TNKS: variants seen among roughly 807,000 people sequenced by gnomAD.
TNKS encodes the protein poly [ADP-ribose] polymerase tankyrase-1.
In TNKS, 72 loss-of-function variants were observed where a neutral mutation model predicts 135.8. That is an observed-to-expected ratio of 0.53 (90% CI 0.44 to 0.64). TNKS has a LOEUF of 0.64. Ranked by LOEUF, TNKS falls within the 30% of genes least tolerant of loss-of-function variation. The pLI, the probability that TNKS is intolerant of heterozygous loss-of-function variation, is 0.00. For missense variants in TNKS, 1,769 were observed against 1,674.0 expected (o/e 1.06, Z -0.99); for synonymous variants, 849 against 649.3 (o/e 1.31, Z -4.68).
chr8:9,683,162 A>G (rs1180715950), intron 5 of TNKS, among the ~76,000 whole-genome samples: 1 of 152,030 alleles, frequency 6.6e-6, no homozygotes, highest in Non-Finnish European at 1.5e-5. Flanking sequence ...TATTAAATGT[A>G]CCAGTTGCAG....
At chr8:9,604,787 T>G (rs1370333491) in intron 2 of TNKS, among the ~76,000 whole-genome samples, 1 of 151,538 alleles carries the variant, frequency 6.6e-6, no homozygotes, top group African/African-American at 2.4e-5. Flanking sequence ...TTATTTTTAT[T>G]TTTATTTTTT....
chr8:9,555,938 A>C lies in TNKS; in HGVS notation c.-2A>C. On this transcript the variant is annotated 5_prime_UTR_variant, in exon 1 of 27. Transcript: ENST00000310430. Reference sequence around the variant, plus strand: ...CAGTGACAGTGCTAGGGGAGTCCGAAGATGGCGGCGTCGCGTCGCTCTCAG... The same window carrying C: ...CAGTGACAGTGCTAGGGGAGTCCGACGATGGCGGCGTCGCGTCGCTCTCAG... 6.2e-7 allele frequency: 1 copy of C among 1,608,990 alleles called. No individual in the cohort carries two copies. Among genetic ancestry groups the C allele is most frequent in the Non-Finnish European group, 8.5e-7 (1 of 1,177,980 alleles).
chr8:9,760,077 G>GT (rs1262738267), intron 20 of TNKS, among the ~76,000 whole-genome samples: 1 of 151,916 alleles, frequency 6.6e-6, no homozygotes, highest in Non-Finnish European at 1.5e-5. Flanking sequence ...ACTGAAGTTA[G>GT]TTTAGAATAT....
At chr8:9,592,196 T>C (rs1375884123) in intron 2 of TNKS, among the ~76,000 whole-genome samples, 5 of 152,228 alleles carry the variant, frequency 3.3e-5, no homozygotes, top group East Asian at 1.9e-4. Flanking sequence ...TAATAGCTTG[T>C]TGCCTGAAAT....
In TNKS at chr8:9,561,467, A is replaced by C. The variant is rs181456172; in HGVS notation, c.673+4855A>C. 3.3e-4 allele frequency among the ~76,000 whole-genome samples: 50 copies of C among 152,352 alleles called. 1 individual carries two copies. The East Asian group carries it at 4.4e-3, about 14-fold the overall frequency. Reference sequence around the variant, plus strand: ...TTTAGAATTTCATATAAATGCAGTCATACAATATTTAGTCTTTCTGTAAGA... The same window carrying C: ...TTTAGAATTTCATATAAATGCAGTCCTACAATATTTAGTCTTTCTGTAAGA... On this transcript the variant is annotated intron_variant, in intron 1 of 26. Transcript: ENST00000310430.
intron 1 of TNKS, among the ~76,000 whole-genome samples, chr8:9,565,260 A>T (rs1197807574): frequency 6.6e-6 from 1 of 152,120 alleles, no homozygotes; most frequent in Non-Finnish European, 1.5e-5. Context: ...TCCCCATTCA[A>T]TTTAGACAAG....
chr8:9,696,184 G>T (rs879743679), intron 5 of TNKS, among the ~76,000 whole-genome samples: 6 of 152,120 alleles, frequency 3.9e-5, no homozygotes, highest in Non-Finnish European at 8.8e-5. Context: ...GAATGAGTTA[G>T]ACAATGTAGA....
intron 3 of TNKS, among the ~76,000 whole-genome samples, chr8:9,622,375 C>T (rs548216377): frequency 6.6e-6 from 1 of 152,218 alleles, no homozygotes; most frequent in East Asian, 1.9e-4. Flanking sequence ...TAGCTGACAC[C>T]GCCTGAATCC....
chr8:9,701,352 T>G (rs1048110470), intron 5 of TNKS, among the ~76,000 whole-genome samples: 2 of 152,236 alleles, frequency 1.3e-5, no homozygotes, highest in African/African-American at 2.4e-5. Context: ...AAGAAAGTTG[T>G]GTAAAAGATA....
chr8:9,701,167 G>C (rs1198523564), intron 5 of TNKS, among the ~76,000 whole-genome samples: 1 of 152,086 alleles, frequency 6.6e-6, no homozygotes, highest in Non-Finnish European at 1.5e-5. Flanking sequence ...TCGATCTCCT[G>C]ACTTCGTGAT....
intron 3 of TNKS, among the ~76,000 whole-genome samples, chr8:9,673,313 G>T (rs537460254): frequency 6.6e-6 from 1 of 151,896 alleles, no homozygotes; most frequent in African/African-American, 2.4e-5. Flanking sequence ...TGAGGTTTTT[G>T]TGTTGACATT....
chr8:9,674,208 T>C (rs992275134), intron 3 of TNKS, among the ~76,000 whole-genome samples: 1 of 152,212 alleles, frequency 6.6e-6, no homozygotes, highest in Admixed American at 6.5e-5. Context: ...GAGTTGAAAC[T>C]TTAGAAATCG....
chr8:9,690,087 T>A (rs190394347), intron 5 of TNKS, among the ~76,000 whole-genome samples: 1 of 152,338 alleles, frequency 6.6e-6, no homozygotes, highest in East Asian at 1.9e-4. Context: ...TTTTTTCTTT[T>A]CATAAAATCT....
At chr8:9,663,268 A>G (rs1030361738) in intron 3 of TNKS, among the ~76,000 whole-genome samples, 1 of 152,232 alleles carries the variant, frequency 6.6e-6, no homozygotes, top group Non-Finnish European at 1.5e-5. Flanking sequence ...TTACAATAAC[A>G]ATAGGAAACT....
At chr8:9,603,923 C>A (rs7464476) in intron 2 of TNKS, among the ~76,000 whole-genome samples, 29,514 of 151,740 alleles carry the variant, frequency 0.19, 3,100 homozygotes, top group East Asian at 0.29. Context: ...CAAAGAACTT[C>A]AATGAGTAGT....
At chr8:9,706,079 T>C (rs1804030743) in intron 6 of TNKS, 108 bp from the exon 7 acceptor site, 1 of 619,272 alleles carries the variant, frequency 1.6e-6, no homozygotes, top group Non-Finnish European at 2.5e-6. Context: ...TACTTTTAAA[T>C]ATTTTAAAAT....
intron 5 of TNKS, among the ~76,000 whole-genome samples, chr8:9,690,035 A>C (rs1803188592): frequency 6.6e-6 from 1 of 152,226 alleles, no homozygotes; most frequent in Non-Finnish European, 1.5e-5. Context: ...CCTTTCATGA[A>C]GTGTGAAACA....
chr8:9,567,306 T>C (rs1021504726), intron 1 of TNKS, among the ~76,000 whole-genome samples: 1 of 152,272 alleles, frequency 6.6e-6, no homozygotes. Context: ...ATCTGGTCTT[T>C]TGTTCAGTTG....
intron 2 of TNKS, among the ~76,000 whole-genome samples, chr8:9,581,708 CT>C (rs1375772741): frequency 6.6e-6 from 1 of 152,214 alleles, no homozygotes; most frequent in African/African-American, 2.4e-5. Context: ...ACTGTTCTCA[CT>C]TTCTTAAAAT....
Sources: gnomAD v4.1 joint callset for allele counts (sites outside exome capture counted in the v4.1 genomes callset) on GRCh38, gnomAD v4.1.1 for gene constraint, MANE v1.5 for transcripts, NCBI Gene and HGNC (gene_info 2026-07-23, HGNC 2026-07-21) for gene names.